RBFOX1: variants seen among roughly 807,000 people sequenced by gnomAD.
RBFOX1 encodes the protein RNA binding fox-1 homolog 1.
A neutral mutation model predicts 57.7 loss-of-function variants in RBFOX1; 8 were observed. The ratio of observed to expected loss-of-function variants is 0.14; its 90% CI spans 0.08 to 0.25. The LOEUF (loss-of-function observed/expected upper bound fraction) is 0.25, where lower values mean the gene tolerates loss of function less well. Ranked by LOEUF, RBFOX1 falls within the 10% of genes least tolerant of loss-of-function variation. RBFOX1 has a pLI of 1.00. For missense variants in RBFOX1, 611 were observed against 548.5 expected, an observed-to-expected ratio of 1.11 and a Z score of -1.14; for synonymous variants, 326 against 222.4, an observed-to-expected ratio of 1.47 and a Z score of -4.15.
chr16:7,358,473 T>C (rs1443655838), intron 4 of RBFOX1, among the ~76,000 whole-genome samples: 1 of 152,046 alleles, frequency 6.6e-6, no homozygotes, highest in Non-Finnish European at 1.5e-5. Flanking sequence ...CAGGCTGGAG[T>C]GCAGCGGCGC....
intron 2 of RBFOX1, among the ~76,000 whole-genome samples, chr16:6,578,449 A>G (rs1314468399): frequency 6.6e-6 from 1 of 152,126 alleles, no homozygotes. Context: ...TGGAACAGTG[A>G]TCTGCTTCTC....
At chr16:6,229,836 A>C (rs2097445303) in intron 1 of RBFOX1, among the ~76,000 whole-genome samples, 1 of 152,074 alleles carries the variant, frequency 6.6e-6, no homozygotes, top group Admixed American at 6.6e-5. Flanking sequence ...GGTCTTTAAA[A>C]TTAAGAGTTT....
chr16:7,417,010 T>C (rs960157804), intron 4 of RBFOX1, among the ~76,000 whole-genome samples: 38 of 152,110 alleles, frequency 2.5e-4, no homozygotes, highest in African/African-American at 8.2e-4. Flanking sequence ...GCTCGTAAAC[T>C]TACACTTTGC....
At chr16:6,123,581 C>T (rs781258132) in intron 1 of RBFOX1, among the ~76,000 whole-genome samples, 11 of 152,080 alleles carry the variant, frequency 7.2e-5, no homozygotes, top group Non-Finnish European at 1.0e-4. Flanking sequence ...AGGGTAGCAG[C>T]GATGGTTGTA....
Position 7,660,926 on chromosome 16 carries a change from A to T in RBFOX1, c.891-4003A>T, listed in dbSNP as rs992696343. Among the ~76,000 whole-genome samples, 5 of 152,092 alleles carry T rather than the reference A, an allele frequency of 3.3e-5. 1 individual carries two copies. The highest frequency in any genetic ancestry group is 6.3e-3 in the Middle Eastern group (2 of 316). On this transcript the variant is annotated intron_variant, in intron 12 of 15. Transcript: ENST00000550418. Reference sequence around the variant, plus strand: ...TCAAATCCCAGTTCAGACAATACCCAACTCTCTTTCAGTTTCTACATGTCT... The same window carrying T: ...TCAAATCCCAGTTCAGACAATACCCTACTCTCTTTCAGTTTCTACATGTCT...
At chr16:7,658,130 C>A (rs552708795) in intron 12 of RBFOX1, among the ~76,000 whole-genome samples, 2 of 152,152 alleles carry the variant, frequency 1.3e-5, no homozygotes, top group East Asian at 3.9e-4. Context: ...ATTCAGTGAA[C>A]TGTACCTACT....
chr16:7,373,469 G>A (rs117581035), intron 4 of RBFOX1, among the ~76,000 whole-genome samples: 2,227 of 152,218 alleles, frequency 0.015, 28 homozygotes, highest in Non-Finnish European at 0.02. Context: ...AGTGATGTCC[G>A]TTCTCTCCTG....
In RBFOX1 at chr16:5,914,511, C is replaced by A. The variant is rs12928074; in HGVS notation, c.351+47176C>A. Among the ~76,000 whole-genome samples the A allele has an allele frequency of 2.0e-4, 31 of 152,012 alleles. No homozygotes were observed. In the South Asian group the frequency reaches 6.0e-3, roughly 30 times the overall value. On this transcript the variant is annotated intron_variant, in intron 4 of 19. Coordinates refer to the RBFOX1 transcript ENST00000641259. ...CTCACTCATGTGGTTGTTGGCCAGC[C>A]TCAGTTCCCCATCATGTGGGACTCT...
chr16:7,279,595 A>T (rs1047461043), intron 4 of RBFOX1, among the ~76,000 whole-genome samples: 4 of 152,148 alleles, frequency 2.6e-5, no homozygotes, highest in African/African-American at 9.7e-5. Context: ...TTAGACATCA[A>T]AATAAAATGT....
intron 3 of RBFOX1, among the ~76,000 whole-genome samples, chr16:7,018,297 C>T (rs564957407): frequency 6.6e-6 from 1 of 152,184 alleles, no homozygotes; most frequent in African/African-American, 2.4e-5. Context: ...ATATTTTGGG[C>T]GAGATGTTTA....
intron 3 of RBFOX1, among the ~76,000 whole-genome samples, chr16:5,711,895 C>G (rs1032588426): frequency 6.6e-6 from 1 of 152,152 alleles, no homozygotes; most frequent in African/African-American, 2.4e-5. Flanking sequence ...TTATTTAGGA[C>G]CATTGACCTG....
At chr16:5,512,508 C>G (rs1597359693) in intron 2 of RBFOX1, among the ~76,000 whole-genome samples, 2 of 152,018 alleles carry the variant, frequency 1.3e-5, no homozygotes, top group Admixed American at 6.6e-5. Context: ...GGTTTAAACA[C>G]AATCATCACA....
At chr16:6,913,872 A>G (rs1338409692) in intron 3 of RBFOX1, among the ~76,000 whole-genome samples, 2 of 152,212 alleles carry the variant, frequency 1.3e-5, no homozygotes, top group Non-Finnish European at 2.9e-5. Flanking sequence ...CCAATCTATT[A>G]GCAAGGTGCC....
rs149526255 is a variant in RBFOX1 at position 6,893,197 on chromosome 16, A to T, written c.-15-158860A>T. On this transcript the variant is annotated intron_variant, in intron 3 of 15. Transcript: ENST00000550418. Reference sequence around the variant, plus strand: ...CAGGCAGTGGAGTGAGTTTACAGGAAATGGACAAGCTCACAGGGAAGCAGA... The same window carrying T: ...CAGGCAGTGGAGTGAGTTTACAGGATATGGACAAGCTCACAGGGAAGCAGA... 2.6e-5 allele frequency among the ~76,000 whole-genome samples: 4 copies of T among 152,234 alleles called. No homozygotes were observed. In the East Asian group the frequency reaches 7.7e-4, roughly 29 times the overall value.
intron 4 of RBFOX1, among the ~76,000 whole-genome samples, chr16:7,266,851 A>C (rs1291177556): frequency 6.6e-6 from 1 of 152,138 alleles, no homozygotes; most frequent in East Asian, 1.9e-4. Context: ...TTTTCAGGGA[A>C]GGCCTGTTTG....
At chr16:5,705,789 T>C (rs1241920208) in intron 3 of RBFOX1, among the ~76,000 whole-genome samples, 2 of 152,236 alleles carry the variant, frequency 1.3e-5, no homozygotes, top group Non-Finnish European at 2.9e-5. Flanking sequence ...ATACCGCATC[T>C]GTGTGCGAGG....
At chr16:6,698,824 T>C (rs2061426164) in intron 3 of RBFOX1, among the ~76,000 whole-genome samples, 1 of 152,154 alleles carries the variant, frequency 6.6e-6, no homozygotes, top group Admixed American at 6.6e-5. Flanking sequence ...CTTATAGTGA[T>C]ATGGAATTCC....
chr16:6,623,915 G>A (rs1017126237), intron 2 of RBFOX1, among the ~76,000 whole-genome samples: 1 of 152,182 alleles, frequency 6.6e-6, no homozygotes, highest in African/African-American at 2.4e-5. Flanking sequence ...GTGTGCATGT[G>A]TCTTTATAGC....
Position 6,948,626 on chromosome 16 carries a change from C to T in RBFOX1, c.-15-103431C>T, listed in dbSNP as rs773035153. On this transcript the variant is annotated intron_variant, in intron 3 of 15. Transcript: ENST00000550418. ...TGAACTGCTGACTTCAAATGATCTG[C>T]TCGCCTTGGCCTCCCAAAGTGCTGG... Among the ~76,000 whole-genome samples, 4 of 152,008 alleles carry T rather than the reference C, an allele frequency of 2.6e-5. 1 individual carries two copies. Among genetic ancestry groups the T allele is most frequent in the Admixed American group, 6.6e-5 (1 of 15,254 alleles).
Sources: allele counts gnomAD v4.1 joint callset (sites outside exome capture counted in the v4.1 genomes callset), GRCh38; gene constraint gnomAD v4.1.1; transcripts MANE v1.5; gene names NCBI Gene and HGNC (gene_info 2026-07-23, HGNC 2026-07-21).